Variants in FGF12 observed in about 807,000 individuals in gnomAD.
The protein encoded by FGF12 is fibroblast growth factor 12B.
A neutral mutation model predicts 23.6 loss-of-function variants in FGF12; 14 were observed. The ratio of observed to expected loss-of-function variants is 0.59; its 90% CI spans 0.39 to 0.93. The LOEUF is 0.93. Among genes scored for constraint, FGF12 ranks in the 40% least tolerant of loss-of-function variants. The pLI is 0.00. For missense variants in FGF12, 175 were observed against 217.8 expected (o/e 0.80, Z 1.24); for synonymous variants, 62 against 77.3 (o/e 0.80, Z 1.04).
intron 2 of FGF12, among the ~76,000 whole-genome samples, chr3:192,676,789 A>G (rs1034928095): frequency 6.6e-6 from 1 of 152,208 alleles, no homozygotes; most frequent in African/African-American, 2.4e-5. Flanking sequence ...GGAATGGCAA[A>G]AATTGCCAAC....
chr3:192,668,508 G>A (rs1484408504), intron 2 of FGF12, among the ~76,000 whole-genome samples: 1 of 152,176 alleles, frequency 6.6e-6, no homozygotes, highest in Non-Finnish European at 1.5e-5. Flanking sequence ...TCCTAGGTCT[G>A]TGGCCAGAAA....
intron 2 of FGF12, among the ~76,000 whole-genome samples, chr3:192,666,314 T>G (rs1716871580): frequency 6.6e-6 from 1 of 152,208 alleles, no homozygotes; most frequent in Non-Finnish European, 1.5e-5. Flanking sequence ...GCAAACAGTT[T>G]ATCATTTTTT....
At chr3:192,470,394 G>C (rs1723136695) in intron 2 of FGF12, among the ~76,000 whole-genome samples, 1 of 152,070 alleles carries the variant, frequency 6.6e-6, no homozygotes. Context: ...TGTTGTTGTT[G>C]TTGTAGTTGT....
At chr3:192,169,596 T>G (rs73060442) in intron 5 of FGF12, among the ~76,000 whole-genome samples, 3,367 of 152,182 alleles carry the variant, frequency 0.022, 109 homozygotes, top group African/African-American at 0.077. Context: ...ACAGCAAGCT[T>G]GACTAAGCCA....
At chr3:192,498,228 T>C (rs958068241) in intron 2 of FGF12, among the ~76,000 whole-genome samples, 1 of 152,204 alleles carries the variant, frequency 6.6e-6, no homozygotes, top group African/African-American at 2.4e-5. Context: ...GTACTTTTGA[T>C]TATATATTTG....
rs140594182 is a variant in FGF12 at position 192,544,267 on chromosome 3, C to G, written c.13+182914G>C. Among the ~76,000 whole-genome samples the G allele has an allele frequency of 2.7e-3, 407 of 152,216 alleles. 5 individuals are homozygous for G. The highest frequency in any genetic ancestry group is 9.5e-3 in the African/African-American group (396 of 41,518). ...GCTGCTGGGGGGAGGGGGATGGGTA[C>G]TGTTGGCAATTCAAGGCTCTCTTTT... On this transcript the variant is annotated intron_variant, in intron 2 of 5. Coordinates refer to ENST00000445105, the MANE Select transcript of FGF12 (RefSeq NM_004113.6).
At chr3:192,157,521 T>C (rs1714492781) in intron 5 of FGF12, among the ~76,000 whole-genome samples, 1 of 151,910 alleles carries the variant, frequency 6.6e-6, no homozygotes, top group South Asian at 2.1e-4. Flanking sequence ...GCAAGCTTTC[T>C]ATTTAATATT....
chr3:192,488,153 A>AAT (rs1392840988), intron 2 of FGF12, among the ~76,000 whole-genome samples: 2 of 152,092 alleles, frequency 1.3e-5, no homozygotes, highest in Non-Finnish European at 2.9e-5. Flanking sequence ...TTATATTATG[A>AAT]ATCTATAATA....
chr3:192,262,231 A>G (rs920549325), intron 4 of FGF12, among the ~76,000 whole-genome samples: 3 of 152,168 alleles, frequency 2.0e-5, no homozygotes, highest in African/African-American at 7.2e-5. Flanking sequence ...TCGTACAAGT[A>G]TGCTGGCCGT....
At chr3:192,238,631 G>T (rs1463600469) in intron 4 of FGF12, 1 of 152,216 alleles carries the variant, frequency 6.6e-6, no homozygotes, top group African/African-American at 2.4e-5. Context: ...GGACAGACTT[G>T]TAAATGGAAG....
chr3:192,697,632 T>C (rs140893219), intron 2 of FGF12, among the ~76,000 whole-genome samples: 197 of 152,264 alleles, frequency 1.3e-3, no homozygotes, highest in African/African-American at 4.6e-3. Flanking sequence ...CTTGCATATC[T>C]GAGATTTGAC....
chr3:192,436,441 G>C (rs1461403757), intron 2 of FGF12, among the ~76,000 whole-genome samples: 2 of 152,204 alleles, frequency 1.3e-5, no homozygotes, highest in African/African-American at 2.4e-5. Context: ...AATTCAAAAG[G>C]AGTCAAGAGA....
chr3:192,215,732 T>TC (rs1718162243), intron 4 of FGF12, among the ~76,000 whole-genome samples: 1 of 152,156 alleles, frequency 6.6e-6, no homozygotes, highest in Admixed American at 6.5e-5. Context: ...AAAACCTTTT[T>TC]CCCCTGTAGA....
chr3:192,226,169 G>A (rs140746054), intron 4 of FGF12, among the ~76,000 whole-genome samples: 25 of 152,096 alleles, frequency 1.6e-4, no homozygotes, highest in Non-Finnish European at 2.5e-4. Flanking sequence ...CTCTTCATGC[G>A]TCCTATACCC....
chr3:192,447,045 A>G (rs1722375004), intron 2 of FGF12, among the ~76,000 whole-genome samples: 1 of 152,214 alleles, frequency 6.6e-6, no homozygotes, highest in Admixed American at 6.5e-5. Context: ...AACTTTCCTA[A>G]TACTCTTAAT....
At chr3:192,362,384 C>G (rs940100055) in intron 2 of FGF12, among the ~76,000 whole-genome samples, 28 of 152,074 alleles carry the variant, frequency 1.8e-4, no homozygotes, top group African/African-American at 6.0e-4. Context: ...CTATCCCTCC[C>G]CCACCCCTCC....
At chr3:192,469,848 A>G (rs1723119285) in intron 2 of FGF12, among the ~76,000 whole-genome samples, 1 of 152,222 alleles carries the variant, frequency 6.6e-6, no homozygotes, top group Non-Finnish European at 1.5e-5. Flanking sequence ...TTGAATGAAG[A>G]GTCAGGAGAT....
intron 2 of FGF12, among the ~76,000 whole-genome samples, chr3:192,672,023 G>T (rs758633090): frequency 6.6e-6 from 1 of 152,182 alleles, no homozygotes; most frequent in African/African-American, 2.4e-5. Flanking sequence ...GACAGAGTGC[G>T]GCTTACTCAA....
intron 2 of FGF12, among the ~76,000 whole-genome samples, chr3:192,695,244 G>A (rs746474145): frequency 1.2e-4 from 18 of 151,922 alleles, no homozygotes; most frequent in Non-Finnish European, 2.6e-4. Context: ...AGCATTTTTC[G>A]TTGTGTCTTA....
Sources: gnomAD v4.1 joint callset for allele counts (sites outside exome capture counted in the v4.1 genomes callset) on GRCh38, gnomAD v4.1.1 for gene constraint, MANE v1.5 for transcripts, NCBI Gene and HGNC (gene_info 2026-07-23, HGNC 2026-07-21) for gene names.